XRN1: variants seen among roughly 807,000 people sequenced by gnomAD.
The protein encoded by XRN1 is strand-exchange protein 1 homolog.
A neutral mutation model predicts 222.3 loss-of-function variants in XRN1; 67 were observed. The ratio of observed to expected loss-of-function variants is 0.30; its 90% confidence interval spans 0.25 to 0.37. The LOEUF is 0.37. XRN1 is among the 10% of genes least tolerant of loss of function. The pLI is 1.00. For missense variants in XRN1, 1,707 were observed against 2,000.2 expected (o/e 0.85, Z 2.80); for synonymous variants, 643 against 652.4 (o/e 0.99, Z 0.22).
intron 1 of XRN1, among the ~76,000 whole-genome samples, chr3:142,439,176 TTGATC>T (rs1193880059): frequency 1.3e-5 from 2 of 152,218 alleles, no homozygotes; most frequent in Non-Finnish European, 2.9e-5. Context: ...GGACAATCCT[TTGATC>T]TGACATGGAG....
intron 6 of XRN1, 84 bp from the exon 7 acceptor site, chr3:142,423,006 G>A (rs1380225232): frequency 9.2e-7 from 1 of 1,090,696 alleles, no homozygotes; most frequent in East Asian, 2.4e-5. Flanking sequence ...TAAATCAAAA[G>A]TATCATCAGA....
At chr3:142,398,276 A>T (rs2068001970) in intron 19 of XRN1, among the ~76,000 whole-genome samples, 1 of 151,768 alleles carries the variant, frequency 6.6e-6, no homozygotes, top group Non-Finnish European at 1.5e-5. Flanking sequence ...TTAAAAGCAT[A>T]TTTTTTTCCT....
Position 142,432,797 on chromosome 3 carries a change from C to T in XRN1, c.172G>A (p.Asp58Asn). ...DDDVHFRISD[D>N]KIFTDIFHYL... Reference sequence around the variant, plus strand: ...TGAAAAATATCAGTAAAGATTTTATCATCTGAAATTCTAAAGTGAACATCA... The same window carrying T: ...TGAAAAATATCAGTAAAGATTTTATTATCTGAAATTCTAAAGTGAACATCA... The change falls in exon 2 of 41, where the codon GAT becomes AAT. Residue 58 changes from aspartate (D) to asparagine (N), a missense_variant. Asp to Asn is a conservative substitution (Grantham distance 23). Coordinates refer to ENST00000392981, the MANE Select transcript of XRN1 (RefSeq NM_001282857.2). 1 of 1,613,946 alleles carries T rather than the reference C, an allele frequency of 6.2e-7. No individual in the cohort carries two copies. Among genetic ancestry groups the T allele is most frequent in the Non-Finnish European group, 8.5e-7 (1 of 1,179,994 alleles).
intron 34 of XRN1, among the ~76,000 whole-genome samples, chr3:142,334,459 C>T (rs1288161415): frequency 6.6e-6 from 1 of 151,590 alleles, no homozygotes; most frequent in Non-Finnish European, 1.5e-5. Context: ...TTTTTTAGAT[C>T]AAAGATTTGT....
At chr3:142,375,207 G>A (rs995939813) in intron 25 of XRN1, among the ~76,000 whole-genome samples, 1 of 152,134 alleles carries the variant, frequency 6.6e-6, no homozygotes, top group African/African-American at 2.4e-5. Flanking sequence ...GCTAGCCTAG[G>A]AAACTAATAA....
At chr3:142,343,942 G>A (rs914986339) in intron 33 of XRN1, among the ~76,000 whole-genome samples, 2 of 152,094 alleles carry the variant, frequency 1.3e-5, no homozygotes, top group Non-Finnish European at 2.9e-5. Flanking sequence ...CAACAACATG[G>A]ATCAAACTGG....
intron 32 of XRN1, among the ~76,000 whole-genome samples, chr3:142,349,884 T>C (rs1049184923): frequency 6.6e-6 from 1 of 152,072 alleles, no homozygotes; most frequent in African/African-American, 2.4e-5. Context: ...TAGGAGATAA[T>C]GAGAAAATAT....
intron 29 of XRN1, 123 bp from the exon 30 acceptor site, chr3:142,360,054 G>T: frequency 3.7e-6 from 2 of 545,092 alleles, no homozygotes; most frequent in Non-Finnish European, 6.0e-6. Flanking sequence ...AAAATATTCA[G>T]GATATGAACA....
chr3:142,357,127 TA>T lies in XRN1; in HGVS notation c.3465-9del, dbSNP rs770113356. 1 of 1,597,488 alleles carries T rather than the reference TA, an allele frequency of 6.3e-7. No homozygotes were observed. Among genetic ancestry groups the T allele is most frequent in the Non-Finnish European group, 8.5e-7 (1 of 1,171,008 alleles). On this transcript the variant is annotated splice_polypyrimidine_tract_variant and intron_variant, in intron 30 of 40. Transcript: ENST00000392981. ...CCTCTACCAGGTGAGCATCTAAAAG[TA>T]AAAGTTATATCAGGGTTGGAAGGAA...
intron 29 of XRN1, among the ~76,000 whole-genome samples, chr3:142,364,576 T>A (rs1161488869): frequency 6.6e-6 from 1 of 152,196 alleles, no homozygotes. Context: ...TCCAAATTAA[T>A]ATACACATTT....
chr3:142,375,887 A>G lies in XRN1; in HGVS notation c.2889T>C (p.Asn963=). The G allele has an allele frequency of 6.2e-7, 1 of 1,613,134 alleles. No individual in the cohort carries two copies. The part of the protein sequence containing the change: ...VGLNLKFNKK[N]EEVPGYTKKV... ...TCTTAGTATATCCAGGTACCTCCTC[A>G]TTTTTCTTGTTGAATTTGAGATTTA... Residue 963 remains asparagine (N), a synonymous_variant, in exon 25 of 41, where the codon AAT becomes AAC. Transcript: ENST00000392981.
At chr3:142,372,204 G>A (rs1455837801) in intron 25 of XRN1, among the ~76,000 whole-genome samples, 1 of 152,160 alleles carries the variant, frequency 6.6e-6, no homozygotes, top group African/African-American at 2.4e-5. Context: ...CTAGCCTTGT[G>A]TATACCAGTC....
rs2069022362 is a variant in XRN1 at position 142,421,282 on chromosome 3, G to A, written c.1036-129C>T. 5 of 996,900 alleles carry A rather than the reference G, an allele frequency of 5.0e-6. No homozygotes were observed. The South Asian group carries it at 8.5e-5, about 17-fold the overall frequency. 61.8% of individuals were successfully genotyped at this position (996,900 alleles called of 1,614,324 possible). A position where few individuals can be genotyped will look rare whatever the true frequency, so the allele number is the denominator to read the frequency against. The stretch of plus-strand genomic sequence containing the variant: ...AGAATGTTACTCTTTTATATATATG[G>A]GAGACCTCATGTGTTACTCTAAAAA... On this transcript the variant is annotated intron_variant, in intron 9 of 40. Transcript: ENST00000392981.
At chr3:142,331,903 T>C (rs552703665) in intron 36 of XRN1, among the ~76,000 whole-genome samples, 55 of 152,206 alleles carry the variant, frequency 3.6e-4, no homozygotes, top group African/African-American at 1.1e-3. Flanking sequence ...GCCTCCCCAG[T>C]AGCTGGGACT....
intron 18 of XRN1, among the ~76,000 whole-genome samples, chr3:142,402,877 A>C (rs954421790): frequency 2.0e-5 from 3 of 151,966 alleles, no homozygotes; most frequent in African/African-American, 7.3e-5. Context: ...CCTGTATTTG[A>C]CCAAATAATG....
In XRN1 at chr3:142,365,032, G is replaced by A; in HGVS notation, c.3394+15C>T. 3 of 1,609,816 alleles carry A rather than the reference G, an allele frequency of 1.9e-6. No homozygotes were observed. Among genetic ancestry groups the A allele is most frequent in the Non-Finnish European group, 1.7e-6 (2 of 1,178,530 alleles). On this transcript the variant is annotated intron_variant, in intron 29 of 40. Transcript: ENST00000392981. ...ATAAATTACGTTGAAGACATTTCAA[G>A]TATTAGGATATTACCTCCTTTTATT...
At chr3:142,316,472 A>C (rs1020382538) in intron 39 of XRN1, among the ~76,000 whole-genome samples, 1 of 151,958 alleles carries the variant, frequency 6.6e-6, no homozygotes, top group Non-Finnish European at 1.5e-5. Flanking sequence ...TTATTTTTTA[A>C]AAGCTTAGTC....
intron 27 of XRN1, among the ~76,000 whole-genome samples, chr3:142,368,379 C>T (rs922161932): frequency 2.6e-5 from 4 of 152,244 alleles, no homozygotes; most frequent in African/African-American, 7.2e-5. Flanking sequence ...GAACTCCTGA[C>T]CTCAGGTGAT....
chr3:142,374,679 T>C (rs990888357), intron 25 of XRN1, among the ~76,000 whole-genome samples: 14 of 152,142 alleles, frequency 9.2e-5, no homozygotes, highest in Admixed American at 9.2e-4. Flanking sequence ...AATCCATAAA[T>C]ATGTCAAGTT....
Sources: gnomAD v4.1 joint callset for allele counts (sites outside exome capture counted in the v4.1 genomes callset) on GRCh38, gnomAD v4.1.1 for gene constraint, MANE v1.5 for transcripts, NCBI Gene and HGNC (gene_info 2026-07-23, HGNC 2026-07-21) for gene names.